The following RGS6 variants were observed in gnomAD, a reference collection of about 807,000 sequenced individuals.
RGS6 encodes the protein regulator of G protein signaling 6.
A neutral mutation model predicts 78.5 loss-of-function variants in RGS6; 30 were observed. The ratio of observed to expected loss-of-function variants is 0.38; its 90% confidence interval spans 0.29 to 0.52. RGS6 has a LOEUF of 0.52. Ranked by LOEUF, RGS6 falls within the 20% of genes least tolerant of loss-of-function variation. The pLI is 0.85. For synonymous variants in RGS6, 206 were observed against 206.0 expected, an observed-to-expected ratio of 1.00 and a Z score of 0.00; for missense variants, 495 against 609.7, an observed-to-expected ratio of 0.81 and a Z score of 1.98.
At chr14:72,527,967 G>A (rs1249313900) in intron 15 of RGS6, among the ~76,000 whole-genome samples, 2 of 152,226 alleles carry the variant, frequency 1.3e-5, no homozygotes, top group Non-Finnish European at 2.9e-5. Flanking sequence ...GCTGTGCAAT[G>A]CTCCAGCTGG....
intron 2 of RGS6, among the ~76,000 whole-genome samples, chr14:72,028,508 A>G (rs2090304646): frequency 6.6e-6 from 1 of 152,254 alleles, no homozygotes; most frequent in Non-Finnish European, 1.5e-5. Context: ...TTTTCTGGTA[A>G]TAGCATGCTA....
chr14:72,450,429 A>G (rs10139793), intron 3 of RGS6, among the ~76,000 whole-genome samples: 11,345 of 152,228 alleles, frequency 0.075, 746 homozygotes, highest in South Asian at 0.16. Flanking sequence ...ATCCTTAAAT[A>G]TACTAATAAA....
chr14:72,368,080 G>C (rs2152821836), intron 3 of RGS6, among the ~76,000 whole-genome samples: 1 of 152,316 alleles, frequency 6.6e-6, no homozygotes, highest in East Asian at 1.9e-4. Flanking sequence ...GAATGCCACA[G>C]ACTGGGCAAA....
At chr14:72,200,895 AG>A (rs1341314578) in intron 2 of RGS6, among the ~76,000 whole-genome samples, 1 of 143,738 alleles carries the variant, frequency 7.0e-6, no homozygotes, top group East Asian at 2.2e-4. Context: ...TCAAAGGATG[AG>A]GGGGGTTGGT....
In RGS6 at chr14:72,151,419, A is replaced by AT. The variant is rs556893748; in HGVS notation, c.84+186551dup. On this transcript the variant is annotated intron_variant, in intron 2 of 17. Coordinates refer to ENST00000553525, the MANE Select transcript of RGS6 (RefSeq NM_001204424.2). The stretch of plus-strand genomic sequence containing the variant: ...GATGAAAAAACTTAATTAAAACTTA[A>AT]TTTTTTTAAGTGGAAAATATTCAGC... Among the ~76,000 whole-genome samples the AT allele has an allele frequency of 4.1e-3, 626 of 152,330 alleles. 1 individual carries two copies. Among genetic ancestry groups the AT allele is most frequent in the African/African-American group, 0.014 (582 of 41,568 alleles).
intron 10 of RGS6, 43 bp from the exon 11 acceptor site, chr14:72,476,699 A>T: frequency 6.3e-7 from 1 of 1,582,306 alleles, no homozygotes; most frequent in South Asian, 1.1e-5. Context: ...CCACCCTCCA[A>T]TTCTGTGGGT....
At chr14:72,212,059 G>A (rs2044306105) in intron 2 of RGS6, among the ~76,000 whole-genome samples, 1 of 152,188 alleles carries the variant, frequency 6.6e-6, no homozygotes, top group South Asian at 2.1e-4. Flanking sequence ...CATAGAACCA[G>A]TACGTTACCT....
At chr14:72,042,124 TTTTTC>T (rs1258323772) in intron 2 of RGS6, among the ~76,000 whole-genome samples, 3 of 121,180 alleles carry the variant, frequency 2.5e-5, no homozygotes, top group South Asian at 2.8e-4. Flanking sequence ...TTTCTTTTTC[TTTTTC>T]TTTTTTTTTT....
At chr14:72,423,656 A>G (rs537838308) in intron 3 of RGS6, among the ~76,000 whole-genome samples, 1 of 138,654 alleles carries the variant, frequency 7.2e-6, no homozygotes, top group African/African-American at 2.6e-5. Flanking sequence ...AGTAACTGAC[A>G]CTGAAGACTA....
intron 3 of RGS6, among the ~76,000 whole-genome samples, chr14:72,382,030 C>CT (rs1219919225): frequency 1.3e-5 from 2 of 151,244 alleles, no homozygotes; most frequent in Non-Finnish European, 2.9e-5. Context: ...AGAATGGCTT[C>CT]TTAAAAAGCC....
At chr14:72,064,695 A>G (rs2094052934) in intron 2 of RGS6, among the ~76,000 whole-genome samples, 1 of 152,252 alleles carries the variant, frequency 6.6e-6, no homozygotes, top group Non-Finnish European at 1.5e-5. Context: ...ATGAGGAGAT[A>G]AAACTGGAAG....
At chr14:72,311,992 C>G (rs532615869) in intron 2 of RGS6, among the ~76,000 whole-genome samples, 14 of 152,286 alleles carry the variant, frequency 9.2e-5, no homozygotes, top group Non-Finnish European at 1.5e-4. Flanking sequence ...CAGAAAACTC[C>G]AGCCTTAGGA....
intron 2 of RGS6, among the ~76,000 whole-genome samples, chr14:72,142,204 C>T (rs2096549422): frequency 6.6e-6 from 1 of 151,980 alleles, no homozygotes; most frequent in African/African-American, 2.4e-5. Context: ...TTTATAAATA[C>T]TGGTTGGATA....
intron 3 of RGS6, among the ~76,000 whole-genome samples, chr14:72,377,347 T>A (rs935329617): frequency 2.0e-5 from 3 of 152,074 alleles, no homozygotes; most frequent in Non-Finnish European, 4.4e-5. Flanking sequence ...CAAGAGAATA[T>A]AACAATTGTA....
At chr14:72,261,593 GA>G (rs572896133) in intron 2 of RGS6, among the ~76,000 whole-genome samples, 1 of 150,786 alleles carries the variant, frequency 6.6e-6, no homozygotes, top group East Asian at 1.9e-4. Flanking sequence ...ATAATAATGA[GA>G]AAAAAAAAGA....
the RGS6 span, among the ~76,000 whole-genome samples, chr14:72,596,150 C>G: frequency 6.6e-6 from 1 of 152,208 alleles, no homozygotes; most frequent in Non-Finnish European, 1.5e-5. Context: ...CCCCTAAAGT[C>G]AAGGTATCAG....
At chr14:72,528,757 C>G (rs961988759) in intron 15 of RGS6, among the ~76,000 whole-genome samples, 1 of 152,200 alleles carries the variant, frequency 6.6e-6, no homozygotes, top group Admixed American at 6.5e-5. Context: ...CGCTTTTTCT[C>G]CATCCCCTTA....
chr14:71,873,272 T>C, the RGS6 span, among the ~76,000 whole-genome samples: 12 of 152,224 alleles, frequency 7.9e-5, no homozygotes, highest in Non-Finnish European at 1.6e-4. Flanking sequence ...TGTAAAAGCA[T>C]TCATATTTCT....
intron 17 of RGS6, chr14:72,547,377 C>T (rs975695628): frequency 6.5e-6 from 9 of 1,390,052 alleles, no homozygotes; most frequent in African/African-American, 6.0e-5. Flanking sequence ...AGTAAGACCC[C>T]CCCCCGACCC....
Sources: allele counts gnomAD v4.1 joint callset (sites outside exome capture counted in the v4.1 genomes callset), GRCh38; gene constraint gnomAD v4.1.1; transcripts MANE v1.5; gene names NCBI Gene and HGNC (gene_info 2026-07-23, HGNC 2026-07-21).